The following PTPRH variants were observed in gnomAD, a reference collection of about 807,000 sequenced individuals.
PTPRH encodes protein tyrosine phosphatase receptor type H.
PTPRH carries 113 observed loss-of-function variants against 130.2 expected under a neutral mutation model. The observed-to-expected ratio is 0.87, with a 90% CI of 0.75 to 1.01. The LOEUF (loss-of-function observed/expected upper bound fraction) is 1.01. Ranked by LOEUF, PTPRH falls within the 50% of genes least tolerant of loss-of-function variation. The pLI, the probability that PTPRH is intolerant of heterozygous loss-of-function variation, is 0.00. For synonymous variants in PTPRH, 556 were observed against 577.9 expected, an observed-to-expected ratio of 0.96 and a Z score of 0.54; for missense variants, 1,430 against 1,425.0, an observed-to-expected ratio of 1.00 and a Z score of -0.06.
rs149304497 is a variant in PTPRH, at chr19:55,182,127, G to A, written c.3087C>T (p.Thr1029=). 48 of 1,613,894 alleles carry A rather than the reference G, an allele frequency of 3.0e-5. No homozygotes were observed. Among genetic ancestry groups the A allele is most frequent in the Non-Finnish European group, 3.9e-5 (46 of 1,180,048 alleles). Residue 1029 remains threonine (T), a synonymous_variant, in exon 19 of 20, where the codon ACC becomes ACT. Coordinates refer to ENST00000376350, the MANE Select transcript of PTPRH (RefSeq NM_002842.5). ...GGAGCAGGACGTCCAGGGCAATGAG[G>A]GTTCCTGTGCGACCCACGCCAGCAC... ...HCSAGVGRTG[T]LIALDVLLRQ... is the part of the protein sequence containing the mutation.
At position 55,207,339 on chromosome 19, in the gene PTPRH, CTGT is replaced by C. The variant is rs2122374995; in HGVS notation, c.52-143_52-141del. 3.5e-6 allele frequency: 3 copies of C among 851,394 alleles called. No individual in the cohort carries two copies. In the East Asian group the frequency reaches 8.1e-5, roughly 23 times the overall value. The allele number at this position is 851,394 out of a possible 1,614,324, so 52.7% of individuals were successfully genotyped here. A position where few individuals can be genotyped will look rare whatever the true frequency, so the allele number is the denominator to read the frequency against. On this transcript the variant is annotated intron_variant, in intron 1 of 19. Transcript: ENST00000376350. ...AAGGAGGGGCCGGTGTTAGGCTGGG[CTGT>C]CACGACCTCGACCGTCTTTCCTGGG... is the stretch of plus-strand genomic sequence containing the variant.
At position 55,203,886 on chromosome 19, in the gene PTPRH, C is replaced by T. The variant is rs1202928626; in HGVS notation, c.782G>A (p.Arg261Lys). 4 of 1,614,080 alleles carry T rather than the reference C, an allele frequency of 2.5e-6. No individual in the cohort carries two copies. Among genetic ancestry groups the T allele is most frequent in the African/African-American group, 1.3e-5 (1 of 74,930 alleles). ...GGGTCCAAGGCCATCCACGGTGACT[C>T]TGGTGTCTGTTGTGTTTCGAGTCTC... ...RTETRNTTDT[R>K]VTVDGLGPGS... Residue 261 changes from arginine (R) to lysine (K), a missense_variant, in exon 5 of 20, where the codon AGA (arginine) becomes AAA (lysine). Arg to Lys is a conservative substitution (Grantham distance 26). Transcript: ENST00000376350.
In PTPRH at chr19:55,181,304, G is replaced by A. The variant is rs571729305; in HGVS notation, c.*450C>T. On this transcript the variant is annotated 3_prime_UTR_variant, in exon 20 of 20. Transcript: ENST00000376350. ...GATAGAAGGAAAAATACATGTGGAT[G>A]GTGGGGTGCAGAGAGACCTTGGGCA... 1 of 159,344 alleles carries A rather than the reference G, an allele frequency of 6.3e-6. No individual in the cohort carries two copies. The highest frequency in any genetic ancestry group is 2.4e-5 in the African/African-American group (1 of 41,694). The allele number at this position is 159,344 out of a possible 1,614,324, so 9.9% of individuals were successfully genotyped here.
At chr19:55,194,486 C>T (rs1035106579) in intron 10 of PTPRH, among the ~76,000 whole-genome samples, 6 of 152,152 alleles carry the variant, frequency 3.9e-5, no homozygotes, top group Non-Finnish European at 8.8e-5. Context: ...CAAACAGCAT[C>T]CACTGGTCAC....
rs755992830 is a variant in PTPRH at position 55,185,660 on chromosome 19, C to T, written c.2904G>A (p.Val968=). 8.7e-6 allele frequency: 14 copies of T among 1,613,724 alleles called. No individual in the cohort carries two copies. The Admixed American group carries it at 2.2e-4, about 25-fold the overall frequency. ...GCACAGACAGTGTCTTCTGCTCCTC[C>T]ACCTGGAAGGAGGGAGCACTCACAG... ...WTVRELLLLQ[V]EEQKTLSVRQ... The change falls in exon 18 of 20, where the codon GTG becomes GTA. Residue 968 remains valine, a splice_region_variant and synonymous_variant. Transcript: ENST00000376350.
intron 10 of PTPRH, among the ~76,000 whole-genome samples, chr19:55,193,227 CAAA>C (rs34071809): frequency 4.0e-5 from 5 of 124,140 alleles, no homozygotes; most frequent in Admixed American, 8.5e-5. Context: ...GACTCTGTCT[CAAA>C]AAAAAAAAAA....
chr19:55,203,258 C>A (rs1185398322), intron 5 of PTPRH, among the ~76,000 whole-genome samples: 4 of 138,674 alleles, frequency 2.9e-5, no homozygotes, highest in African/African-American at 1.1e-4. Context: ...ACCCGGGAGG[C>A]AGAGCTTGCA....
Position 55,209,159 on chromosome 19 carries a change from A to C in PTPRH, c.51+224T>G, listed in dbSNP as rs1035859562. On this transcript the variant is annotated intron_variant, in intron 1 of 19. Coordinates refer to ENST00000376350, the MANE Select transcript of PTPRH (RefSeq NM_002842.5). The surrounding 1 kb of genome is among the most constrained non-coding windows in gnomAD (Gnocchi z 4.1). Reference sequence around the variant, plus strand: ...CCCCACAACAGACACGACAATGTCTAAGGGCCCGGGTGAAGCTGGTGTCCC... The same window carrying C: ...CCCCACAACAGACACGACAATGTCTCAGGGCCCGGGTGAAGCTGGTGTCCC... 1.3e-5 allele frequency among the ~76,000 whole-genome samples: 2 copies of C among 151,514 alleles called. No individual in the cohort carries two copies. The highest frequency in any genetic ancestry group is 2.9e-5 in the Non-Finnish European group (2 of 67,822).
At chr19:55,196,914 C>T (rs982476623) in intron 9 of PTPRH, 126 bp from the exon 10 acceptor site, 1 of 1,290,856 alleles carries the variant, frequency 7.7e-7, no homozygotes, top group African/African-American at 1.5e-5. Flanking sequence ...CCTCATCTTC[C>T]CTCCTTTTCT....
At chr19:55,187,116 CGGG>C (rs2086363820) in intron 14 of PTPRH, among the ~76,000 whole-genome samples, 1 of 150,286 alleles carries the variant, frequency 6.7e-6, no homozygotes, top group Non-Finnish European at 1.5e-5. Flanking sequence ...GAGGCCGAGG[CGGG>C]CAGATCACAA....
intron 10 of PTPRH, among the ~76,000 whole-genome samples, chr19:55,195,341 A>G (rs2147481191): frequency 6.6e-6 from 1 of 152,108 alleles, no homozygotes; most frequent in South Asian, 2.1e-4. Flanking sequence ...ATAAAAAATA[A>G]AAAATAAAAA....
intron 1 of PTPRH, 142 bp from the exon 2 acceptor site, chr19:55,207,341 G>GTC: frequency 2.3e-6 from 2 of 852,868 alleles, no homozygotes; most frequent in African/African-American, 3.4e-5. Flanking sequence ...AGGCTGGGCT[G>GTC]TCACGACCTC....
At chr19:55,189,686 C>A in intron 12 of PTPRH, 2 of 456,056 alleles carry the variant, frequency 4.4e-6, no homozygotes, top group Non-Finnish European at 8.8e-6. Context: ...GAATATCCTG[C>A]CGAAAATATT....
chr19:55,187,958 G>A (rs1261843467), intron 13 of PTPRH, 120 bp downstream of exon 13: 2 of 701,670 alleles, frequency 2.9e-6, no homozygotes, highest in African/African-American at 3.6e-5. Flanking sequence ...ACAATCCAAT[G>A]ACATATGTGA....
intron 17 of PTPRH, 57 bp downstream of exon 17, chr19:55,185,805 G>C: frequency 6.2e-7 from 1 of 1,612,818 alleles, no homozygotes; most frequent in South Asian, 1.1e-5. Context: ...GGTCCTGGAT[G>C]CATGGCATAT....
rs112389092 is a variant in PTPRH, at chr19:55,203,564, C to T, written c.886+218G>A. Reference sequence around the variant, plus strand: ...CCGAGTAGGTGGGACCACGGGAACACGCCACCACAGCTACTTTTTTATTTT... The same window carrying T: ...CCGAGTAGGTGGGACCACGGGAACATGCCACCACAGCTACTTTTTTATTTT... On this transcript the variant is annotated intron_variant, in intron 5 of 19. Transcript: ENST00000376350. 1.8e-4 allele frequency among the ~76,000 whole-genome samples: 27 copies of T among 151,364 alleles called. 1 individual carries two copies. The highest frequency in any genetic ancestry group is 1.5e-3 in the Admixed American group (23 of 15,180).
chr19:55,198,332 C>T (rs947222872), intron 8 of PTPRH, among the ~76,000 whole-genome samples: 2 of 152,204 alleles, frequency 1.3e-5, no homozygotes, highest in Non-Finnish European at 2.9e-5. Flanking sequence ...TTCCCTGGGA[C>T]CAGCTGTTGG....
intron 10 of PTPRH, among the ~76,000 whole-genome samples, chr19:55,194,522 G>T (rs2086630702): frequency 6.6e-6 from 1 of 152,150 alleles, no homozygotes; most frequent in Non-Finnish European, 1.5e-5. Flanking sequence ...TCTCTCTCCA[G>T]ATTGGAGACC....
chr19:55,193,643 GC>G (rs892285167), intron 10 of PTPRH, among the ~76,000 whole-genome samples: 1 of 151,978 alleles, frequency 6.6e-6, no homozygotes, highest in Admixed American at 6.6e-5. Context: ...GCGCAGGACG[GC>G]CCCCCCACAA....
Sources: gnomAD v4.1 joint callset for allele counts (sites outside exome capture counted in the v4.1 genomes callset) on GRCh38, gnomAD v4.1.1 for gene constraint, Gnocchi (gnomAD v3.1) non-coding constraint, MANE v1.5 for transcripts, NCBI Gene and HGNC (gene_info 2026-07-23, HGNC 2026-07-21) for gene names.